Variants in PPAT observed in about 807,000 individuals in gnomAD.
The protein encoded by PPAT is phosphoribosyl pyrophosphate amidotransferase, also known as amidophosphoribosyltransferase.
PPAT carries 20 observed loss-of-function variants against 60.2 expected under a neutral mutation model. That is an observed-to-expected ratio of 0.33 (90% CI 0.23 to 0.48). PPAT has a LOEUF of 0.48. Among genes scored for constraint, PPAT ranks in the 20% least tolerant of loss-of-function variants. The pLI, the probability that PPAT is intolerant of heterozygous loss-of-function variation, is 0.99. For missense variants in PPAT, 349 were observed against 629.6 expected (o/e 0.55, Z 4.77); for synonymous variants, 194 against 215.1 (o/e 0.90, Z 0.86).
chr4:56,423,078 A>G (rs1717124143), intron 1 of PPAT: 1 of 152,190 alleles, frequency 6.6e-6, no homozygotes, highest in Non-Finnish European at 1.5e-5. Flanking sequence ...TTCTACACAA[A>G]CCAAAACTGG....
intron 1 of PPAT, among the ~76,000 whole-genome samples, chr4:56,409,513 C>T (rs1716353516): frequency 6.6e-6 from 1 of 152,172 alleles, no homozygotes; most frequent in Admixed American, 6.5e-5. Flanking sequence ...GCACCCTTTC[C>T]CATGTCTGTG....
At chr4:56,399,610 T>C in intron 8 of PPAT, 2 of 449,628 alleles carry the variant, frequency 4.4e-6, no homozygotes, top group Non-Finnish European at 7.9e-6. Context: ...AATGTTTTTG[T>C]CTTAAACATT....
chr4:56,403,417 G>C lies in PPAT; in HGVS notation c.403-16C>G, dbSNP rs142964904. ...GACGCAGAAGCTATATAGAAAAAAA[G>C]AGAAGTTTAATCATCAGAGGGGAAG... On this transcript the variant is annotated splice_polypyrimidine_tract_variant and intron_variant, in intron 3 of 10. Transcript: ENST00000264220. 134 of 1,574,334 alleles carry C rather than the reference G, an allele frequency of 8.5e-5. No individual in the cohort carries two copies. In the African/African-American group the frequency reaches 1.5e-3, roughly 18 times the overall value.
At chr4:56,428,117 C>G (rs1039616140) in intron 1 of PPAT, among the ~76,000 whole-genome samples, 2 of 152,164 alleles carry the variant, frequency 1.3e-5, no homozygotes, top group African/African-American at 2.4e-5. Flanking sequence ...CACAAAATTT[C>G]TTTTGACTCA....
At chr4:56,412,654 C>G (rs908031551) in intron 1 of PPAT, among the ~76,000 whole-genome samples, 3 of 152,170 alleles carry the variant, frequency 2.0e-5, no homozygotes, top group African/African-American at 7.2e-5. Context: ...ATCACTTATA[C>G]AGAAACATTT....
chr4:56,435,338 C>T lies in PPAT; in HGVS notation c.128+12G>A, dbSNP rs1241014132. ...AGACGCACGCCCCCGCCACCCCCAC[C>T]CTGTTGCTCACCGGTGCTGCAGCCC... On this transcript the variant is annotated intron_variant, in intron 1 of 10. Transcript: ENST00000264220. 3 of 1,613,470 alleles carry T rather than the reference C, an allele frequency of 1.9e-6. No homozygotes were observed. Among genetic ancestry groups the T allele is most frequent in the Non-Finnish European group, 2.5e-6 (3 of 1,179,690 alleles).
At chr4:56,418,002 C>A (rs1716857739) in intron 1 of PPAT, among the ~76,000 whole-genome samples, 1 of 151,954 alleles carries the variant, frequency 6.6e-6, no homozygotes, top group African/African-American at 2.4e-5. Flanking sequence ...ACACACCCAA[C>A]TAATTTTTGT....
chr4:56,408,724 G>T (rs1371484903), intron 1 of PPAT, among the ~76,000 whole-genome samples: 3 of 145,898 alleles, frequency 2.1e-5, no homozygotes, highest in Non-Finnish European at 4.5e-5. Flanking sequence ...ACTGCACTCC[G>T]GCCTGGGCGA....
intron 7 of PPAT, among the ~76,000 whole-genome samples, 185 bp from the exon 8 acceptor site, chr4:56,401,096 C>T (rs1716098069): frequency 6.6e-6 from 1 of 151,918 alleles, no homozygotes; most frequent in African/African-American, 2.4e-5. Flanking sequence ...AAAAAATCGA[C>T]CTTCATATAG....
intron 1 of PPAT, among the ~76,000 whole-genome samples, chr4:56,427,119 A>G (rs949371386): frequency 1.3e-5 from 2 of 152,226 alleles, no homozygotes; most frequent in African/African-American, 4.8e-5. Flanking sequence ...CATTTTGTTT[A>G]TTCATCCATC....
intron 1 of PPAT, among the ~76,000 whole-genome samples, chr4:56,419,070 T>G (rs1293416973): frequency 6.6e-6 from 1 of 152,232 alleles, no homozygotes; most frequent in African/African-American, 2.4e-5. Context: ...CAACCCTGAC[T>G]ACACATTAGA....
chr4:56,416,000 G>A (rs1251428826), intron 1 of PPAT, among the ~76,000 whole-genome samples: 4 of 151,702 alleles, frequency 2.6e-5, no homozygotes, highest in African/African-American at 9.7e-5. Flanking sequence ...AACCCGGGAG[G>A]CGGAGGTTGC....
intron 1 of PPAT, among the ~76,000 whole-genome samples, chr4:56,409,611 G>A (rs1368182879): frequency 6.6e-6 from 1 of 152,204 alleles, no homozygotes; most frequent in Non-Finnish European, 1.5e-5. Flanking sequence ...ACATAGTAAA[G>A]ACTAAGAGCA....
intron 1 of PPAT, among the ~76,000 whole-genome samples, chr4:56,432,582 G>A (rs1166807553): frequency 3.4e-5 from 5 of 148,454 alleles, no homozygotes; most frequent in African/African-American, 1.0e-4. Context: ...TCAGGAGATC[G>A]AGACCATCCT....
intron 1 of PPAT, among the ~76,000 whole-genome samples, chr4:56,415,842 C>T (rs1348594637): frequency 6.6e-6 from 1 of 151,908 alleles, no homozygotes; most frequent in Admixed American, 6.6e-5. Context: ...TTTGGGAGGC[C>T]GAGGATCACC....
intron 1 of PPAT, among the ~76,000 whole-genome samples, chr4:56,430,120 T>A (rs914660827): frequency 6.6e-6 from 1 of 152,120 alleles, no homozygotes; most frequent in African/African-American, 2.4e-5. Flanking sequence ...TAAATAAACG[T>A]ATATCCCATT....
chr4:56,401,505 G>A (rs754667221), intron 6 of PPAT, 24 bp from the exon 7 acceptor site: 1 of 1,563,550 alleles, frequency 6.4e-7, no homozygotes, highest in African/African-American at 1.4e-5. Flanking sequence ...GTTAAAGAAA[G>A]AAGACTTTTA....
Position 56,395,104 on chromosome 4 carries a change from T to G in PPAT, c.*248A>C. The G allele has an allele frequency of 2.6e-6, 1 of 380,978 alleles. No homozygotes were observed. 23.6% of individuals were successfully genotyped at this position (380,978 alleles called of 1,614,324 possible). On this transcript the variant is annotated 3_prime_UTR_variant, in exon 11 of 11. Coordinates refer to ENST00000264220, the MANE Select transcript of PPAT (RefSeq NM_002703.5). Reference sequence around the variant, plus strand: ...GACCACCTGCCTTCTCTGACCAGGTTAAAAAGGCTAGCCAATGCTTGTGTA... The same window carrying G: ...GACCACCTGCCTTCTCTGACCAGGTGAAAAAGGCTAGCCAATGCTTGTGTA...
At chr4:56,432,737 AC>A (rs1428780747) in intron 1 of PPAT, among the ~76,000 whole-genome samples, 1 of 149,526 alleles carries the variant, frequency 6.7e-6, no homozygotes, top group Non-Finnish European at 1.5e-5. Context: ...GTGAGGGGAG[AC>A]TGCGCCACTG....
Sources: allele counts gnomAD v4.1 joint callset (sites outside exome capture counted in the v4.1 genomes callset), GRCh38; gene constraint gnomAD v4.1.1; transcripts MANE v1.5; gene names NCBI Gene and HGNC (gene_info 2026-07-23, HGNC 2026-07-21).